AHCYL2: variants seen among roughly 807,000 people sequenced by gnomAD.
AHCYL2 encodes the protein adenosylhomocysteinase like 2, also known as S-adenosylhomocysteine hydrolase-like protein 2.
Under a neutral mutation model 81.4 loss-of-function variants are expected in AHCYL2, and 28 were observed. That is an observed-to-expected ratio of 0.34 (90% CI 0.25 to 0.47). AHCYL2 has a LOEUF of 0.47. AHCYL2 is among the 20% of genes least tolerant of loss of function. The pLI is 1.00. For missense variants in AHCYL2, 551 were observed against 785.1 expected, an observed-to-expected ratio of 0.70 and a Z score of 3.56; for synonymous variants, 272 against 290.2, an observed-to-expected ratio of 0.94 and a Z score of 0.64.
intron 1 of AHCYL2, among the ~76,000 whole-genome samples, chr7:129,321,746 T>TTTTTTTTTTTTTTTTTTG: frequency 7.9e-6 from 1 of 126,668 alleles, no homozygotes; most frequent in African/African-American, 4.3e-5. Flanking sequence ...TTTCTTTGTT[T>TTTTTTTTTTTTTTTTTTG]TTTTTTTTTT....
intron 1 of AHCYL2, among the ~76,000 whole-genome samples, chr7:129,373,610 A>C (rs1019780287): frequency 1.3e-4 from 20 of 151,786 alleles, no homozygotes; most frequent in Non-Finnish European, 1.8e-4. Flanking sequence ...AAAAAAAAAA[A>C]CCAAAACAAA....
chr7:129,325,010 T>G (rs1398647334), intron 1 of AHCYL2, among the ~76,000 whole-genome samples: 1 of 152,242 alleles, frequency 6.6e-6, no homozygotes, highest in Non-Finnish European at 1.5e-5. Flanking sequence ...TCATACATTT[T>G]AGTTCTGCAC....
At chr7:129,413,295 C>G (rs571839368) in intron 11 of AHCYL2, among the ~76,000 whole-genome samples, 15 of 152,106 alleles carry the variant, frequency 9.9e-5, no homozygotes, top group Non-Finnish European at 2.2e-4. Flanking sequence ...GCACCCGCCA[C>G]CACACCCAGC....
At chr7:129,315,552 T>G (rs17427959) in intron 1 of AHCYL2, among the ~76,000 whole-genome samples, 9,972 of 152,302 alleles carry the variant, frequency 0.065, 509 homozygotes, top group Non-Finnish European at 0.095. Context: ...TTTATATATT[T>G]TCCTATAATT....
intron 1 of AHCYL2, among the ~76,000 whole-genome samples, chr7:129,231,195 A>G (rs1168131128): frequency 6.6e-6 from 1 of 152,018 alleles, no homozygotes; most frequent in African/African-American, 2.4e-5. Flanking sequence ...AGCCGAGATC[A>G]TGCCACCGCG....
At chr7:129,245,621 G>A (rs1795026582) in intron 1 of AHCYL2, among the ~76,000 whole-genome samples, 1 of 152,020 alleles carries the variant, frequency 6.6e-6, no homozygotes, top group African/African-American at 2.4e-5. Context: ...CCTTATGTCT[G>A]GCTTATTTCA....
intron 1 of AHCYL2, among the ~76,000 whole-genome samples, chr7:129,283,006 T>C (rs1796503115): frequency 6.6e-6 from 1 of 152,168 alleles, no homozygotes; most frequent in African/African-American, 2.4e-5. Context: ...GGCATTGTTC[T>C]TGTTCTGTTT....
intron 10 of AHCYL2, among the ~76,000 whole-genome samples, chr7:129,407,575 T>C (rs2150942945): frequency 6.6e-6 from 1 of 152,270 alleles, no homozygotes; most frequent in East Asian, 1.9e-4. Flanking sequence ...CACTAAGAGT[T>C]TAGGAACCTG....
rs555028330 is a variant in AHCYL2, at chr7:129,386,749, A to G, written c.476-2307A>G. The stretch of plus-strand genomic sequence containing the variant: ...AAACTAAAGAGGCATAGGAAGGGCA[A>G]TCTCTTCTGGGTAGAGTTAGGACTC... On this transcript the variant is annotated intron_variant, in intron 2 of 16. Coordinates refer to ENST00000325006, the MANE Select transcript of AHCYL2 (RefSeq NM_015328.4). Among the ~76,000 whole-genome samples, 118 of 152,264 alleles carry G rather than the reference A, an allele frequency of 7.7e-4. 1 individual carries two copies. Among genetic ancestry groups the G allele is most frequent in the African/African-American group, 2.6e-3 (110 of 41,548 alleles).
At chr7:129,283,425 G>A (rs1255308771) in intron 1 of AHCYL2, 5 of 455,870 alleles carry the variant, frequency 1.1e-5, no homozygotes, top group African/African-American at 8.0e-5. Context: ...TTTCAGGCAG[G>A]TAGGTAAATC....
chr7:129,241,987 A>G lies in AHCYL2; in HGVS notation c.363+16548A>G, dbSNP rs537685804. ...AACTTTGTGTTTATAACTCCCCTTC[A>G]TGTTTAGTACTTTTGCTATATATTC... is the stretch of plus-strand genomic sequence containing the variant. On this transcript the variant is annotated intron_variant, in intron 1 of 16. Coordinates refer to ENST00000325006, the MANE Select transcript of AHCYL2 (RefSeq NM_015328.4). Among the ~76,000 whole-genome samples, 12 of 152,062 alleles carry G rather than the reference A, an allele frequency of 7.9e-5. 1 individual carries two copies. The highest frequency in any genetic ancestry group is 2.9e-4 in the African/African-American group (12 of 41,460).
rs1031915370 is a variant in AHCYL2, at chr7:129,428,931, A to G, written c.*1886A>G. 6.6e-6 allele frequency: 1 copy of G among 152,140 alleles called. No individual in the cohort carries two copies. The highest frequency in any genetic ancestry group is 1.5e-5 in the Non-Finnish European group (1 of 68,016). 9.4% of individuals were successfully genotyped at this position (152,140 alleles called of 1,614,324 possible). ...TCTTCCTTTTGCCTACCTAGTCCTG[A>G]TTTTTGTATTAATTGGTTCCCTTTA... is the stretch of plus-strand genomic sequence containing the variant. On this transcript the variant is annotated 3_prime_UTR_variant, in exon 17 of 17. Coordinates refer to ENST00000325006, the MANE Select transcript of AHCYL2 (RefSeq NM_015328.4).
chr7:129,402,747 C>T (rs1249796134), intron 6 of AHCYL2, among the ~76,000 whole-genome samples: 1 of 152,144 alleles, frequency 6.6e-6, no homozygotes, highest in Non-Finnish European at 1.5e-5. Flanking sequence ...GCACGGTTCC[C>T]TGGTTATTTT....
At position 129,291,298 on chromosome 7, in the gene AHCYL2, A is replaced by C. The variant is rs1036640257; in HGVS notation, c.363+65859A>C. Among the ~76,000 whole-genome samples the C allele has an allele frequency of 2.0e-5, 3 of 152,190 alleles. No homozygotes were observed. The South Asian group carries it at 6.2e-4, about 32-fold the overall frequency. The stretch of plus-strand genomic sequence containing the variant: ...GAGGCACCGCTCTGAACATTTTTGC[A>C]TGGATTATACATATCATTTATTCTT... On this transcript the variant is annotated intron_variant, in intron 1 of 16. Coordinates refer to ENST00000325006, the MANE Select transcript of AHCYL2 (RefSeq NM_015328.4).
chr7:129,411,585 C>G (rs1013280658), intron 11 of AHCYL2, among the ~76,000 whole-genome samples: 2 of 150,960 alleles, frequency 1.3e-5, no homozygotes, highest in African/African-American at 4.8e-5. Flanking sequence ...CATGGTGAAA[C>G]CCCGTCTCTA....
intron 1 of AHCYL2, among the ~76,000 whole-genome samples, chr7:129,262,124 A>G (rs1426043850): frequency 6.6e-6 from 1 of 152,218 alleles, no homozygotes; most frequent in South Asian, 2.1e-4. Flanking sequence ...TTGGGCTCCA[A>G]ATATAAATAA....
intron 1 of AHCYL2, among the ~76,000 whole-genome samples, chr7:129,339,703 T>TA (rs1417543234): frequency 6.8e-6 from 1 of 147,890 alleles, no homozygotes; most frequent in Non-Finnish European, 1.5e-5. Flanking sequence ...TGCTAATTAT[T>TA]TTTTTTTTTT....
chr7:129,285,763 G>C (rs1026029245), intron 1 of AHCYL2, among the ~76,000 whole-genome samples: 2 of 141,254 alleles, frequency 1.4e-5, no homozygotes, highest in Non-Finnish European at 3.0e-5. Flanking sequence ...GCAGTGGCAC[G>C]ATCTCAACCT....
At chr7:129,263,381 G>A (rs543487996) in intron 1 of AHCYL2, among the ~76,000 whole-genome samples, 1 of 152,318 alleles carries the variant, frequency 6.6e-6, no homozygotes. Context: ...GCTAAAGCAA[G>A]TCATGTGGCC....
Sources: allele counts gnomAD v4.1 joint callset (sites outside exome capture counted in the v4.1 genomes callset), GRCh38; gene constraint gnomAD v4.1.1; transcripts MANE v1.5; gene names NCBI Gene and HGNC (gene_info 2026-07-23, HGNC 2026-07-21).